Variants in C8orf34 observed in about 807,000 individuals in gnomAD.
C8orf34 encodes the protein uncharacterized protein C8orf34.
A neutral mutation model predicts 68.3 loss-of-function variants in C8orf34; 65 were observed. The ratio of observed to expected loss-of-function variants is 0.95; its 90% confidence interval spans 0.78 to 1.17. The LOEUF is 1.17. Among genes scored for constraint, C8orf34 ranks in the 50% most tolerant of loss-of-function variants. The pLI is 0.00. For synonymous variants in C8orf34, 244 were observed against 241.2 expected (o/e 1.01, Z -0.11); for missense variants, 664 against 655.4 (o/e 1.01, Z -0.14).
chr8:68,345,478 A>T (rs1247704848), intron 1 of C8orf34, among the ~76,000 whole-genome samples: 1 of 152,062 alleles, frequency 6.6e-6, no homozygotes, highest in Admixed American at 6.6e-5. Flanking sequence ...AGGAGTACAC[A>T]TTAAATTGGT....
intron 3 of C8orf34, among the ~76,000 whole-genome samples, chr8:68,462,424 C>A (rs1042188934): frequency 6.6e-6 from 1 of 152,044 alleles, no homozygotes; most frequent in Non-Finnish European, 1.5e-5. Flanking sequence ...TTGAACTCAG[C>A]TCTGCACCAA....
chr8:68,417,267 T>G (rs1809713698), intron 1 of C8orf34, among the ~76,000 whole-genome samples: 1 of 152,182 alleles, frequency 6.6e-6, no homozygotes, highest in African/African-American at 2.4e-5. Context: ...CTTTTTAAAT[T>G]AAATTTTAAG....
At chr8:68,750,963 A>T (rs1822687691) in intron 10 of C8orf34, among the ~76,000 whole-genome samples, 1 of 152,164 alleles carries the variant, frequency 6.6e-6, no homozygotes, top group Admixed American at 6.6e-5. Flanking sequence ...GGGAGTTAAG[A>T]GATATTCTCT....
At chr8:68,658,363 G>GT (rs1189174598) in intron 8 of C8orf34, among the ~76,000 whole-genome samples, 2 of 151,998 alleles carry the variant, frequency 1.3e-5, no homozygotes, top group Non-Finnish European at 1.5e-5. Context: ...TTACTCCTTT[G>GT]TTTTTTGGCC....
At chr8:68,725,109 C>T (rs546388077) in intron 10 of C8orf34, among the ~76,000 whole-genome samples, 57 of 152,244 alleles carry the variant, frequency 3.7e-4, no homozygotes, top group South Asian at 8.3e-4. Context: ...TCAGGCAATC[C>T]TCCTTCCTCG....
In C8orf34 at chr8:68,338,544, T is replaced by C. The variant is rs1325033917; in HGVS notation, c.327+7205T>C. Among the ~76,000 whole-genome samples the C allele has an allele frequency of 2.6e-5, 4 of 152,188 alleles. No individual in the cohort carries two copies. The East Asian group carries it at 7.7e-4, about 29-fold the overall frequency. ...TTAGGTTTCATTTTTTAGAGTTTCA[T>C]GTATATGAAATCACACACTATGCAA... On this transcript the variant is annotated intron_variant, in intron 1 of 13. Transcript: ENST00000518698.
intron 13 of C8orf34, among the ~76,000 whole-genome samples, chr8:68,816,178 G>A (rs1430195102): frequency 6.7e-6 from 1 of 149,802 alleles, no homozygotes; most frequent in African/African-American, 2.5e-5. Flanking sequence ...TATAGGTTTT[G>A]GAGTTCTCAT....
chr8:68,581,241 T>A lies in C8orf34; in HGVS notation c.1105+48092T>A, dbSNP rs149209758. On this transcript the variant is annotated intron_variant, in intron 7 of 13. Coordinates refer to ENST00000518698, the MANE Select transcript of C8orf34 (RefSeq NM_052958.4). The stretch of plus-strand genomic sequence containing the variant: ...AGAAGTATGATTGGATAAAAAAATA[T>A]AATCTAATGGTCATAAATTTGGGAG... Among the ~76,000 whole-genome samples, 885 of 152,214 alleles carry A rather than the reference T, an allele frequency of 5.8e-3. 10 individuals carry two copies. The highest frequency in any genetic ancestry group is 0.034 in the Middle Eastern group (10 of 294).
At chr8:68,357,097 G>C (rs1361703224) in intron 1 of C8orf34, among the ~76,000 whole-genome samples, 3 of 151,422 alleles carry the variant, frequency 2.0e-5, no homozygotes, top group South Asian at 2.1e-4. Context: ...GAATTGTTTT[G>C]GTCATTTTAT....
chr8:68,511,518 G>A (rs1284443312), intron 5 of C8orf34, among the ~76,000 whole-genome samples: 2 of 152,176 alleles, frequency 1.3e-5, no homozygotes, highest in African/African-American at 4.8e-5. Context: ...TCAGGTCAAA[G>A]CAGATGACCA....
chr8:68,594,265 AAC>A (rs1817478641), intron 7 of C8orf34, among the ~76,000 whole-genome samples: 1 of 151,968 alleles, frequency 6.6e-6, no homozygotes, highest in Non-Finnish European at 1.5e-5. Context: ...GCATTTATCT[AAC>A]TCTTCCTATA....
intron 4 of C8orf34, among the ~76,000 whole-genome samples, chr8:68,475,934 C>T (rs568543846): frequency 6.6e-6 from 1 of 152,250 alleles, no homozygotes; most frequent in South Asian, 2.1e-4. Context: ...AAAGAGAGCC[C>T]AGCTGCTGGG....
chr8:68,542,819 G>T (rs902113558), intron 7 of C8orf34, among the ~76,000 whole-genome samples: 2 of 151,988 alleles, frequency 1.3e-5, no homozygotes, highest in East Asian at 1.9e-4. Context: ...TTACAATAAG[G>T]TTTAGATTAT....
At chr8:68,521,059 A>G (rs1814734040) in intron 5 of C8orf34, among the ~76,000 whole-genome samples, 1 of 152,214 alleles carries the variant, frequency 6.6e-6, no homozygotes, top group East Asian at 1.9e-4. Context: ...AATAAATATT[A>G]GAGAGTGAAG....
chr8:68,530,605 G>A (rs762006188), intron 6 of C8orf34: 22 of 1,261,220 alleles, frequency 1.7e-5, no homozygotes, highest in East Asian at 5.6e-5. Context: ...TAGAAGACAC[G>A]TAATGCAATG....
chr8:68,380,556 A>G (rs757747995), intron 1 of C8orf34, among the ~76,000 whole-genome samples: 4 of 152,232 alleles, frequency 2.6e-5, no homozygotes, highest in Admixed American at 6.5e-5. Flanking sequence ...AAGCCAGCAA[A>G]ACTGTTGACA....
intron 5 of C8orf34, among the ~76,000 whole-genome samples, chr8:68,499,040 G>A (rs1813652419): frequency 6.6e-6 from 1 of 152,166 alleles, no homozygotes. Flanking sequence ...AGTGAACATA[G>A]TATCCAATGA....
At chr8:68,784,304 C>T (rs956921835) in intron 11 of C8orf34, among the ~76,000 whole-genome samples, 5 of 152,232 alleles carry the variant, frequency 3.3e-5, no homozygotes, top group East Asian at 3.9e-4. Context: ...ATTGGGTTAA[C>T]GTGTTTTTAG....
chr8:68,447,546 T>C (rs908027852), intron 3 of C8orf34: 5 of 152,186 alleles, frequency 3.3e-5, no homozygotes, highest in African/African-American at 1.2e-4. Flanking sequence ...TATACATCAA[T>C]TCCTTGTGCT....
Sources: allele counts gnomAD v4.1 joint callset (sites outside exome capture counted in the v4.1 genomes callset), GRCh38; gene constraint gnomAD v4.1.1; transcripts MANE v1.5; gene names NCBI Gene and HGNC (gene_info 2026-07-23, HGNC 2026-07-21).